Variants in MANSC1 observed in about 807,000 individuals in gnomAD.
MANSC1 encodes MANSC domain containing 1.
In MANSC1, 13 loss-of-function variants were observed where a neutral mutation model predicts 14.1. The ratio of observed to expected loss-of-function variants is 0.92; its 90% CI spans 0.60 to 1.46. The LOEUF is 1.46. Among genes scored for constraint, MANSC1 ranks in the 40% most tolerant of loss-of-function variants. MANSC1 has a pLI of 0.00. For missense variants in MANSC1, 486 were observed against 511.4 expected (o/e 0.95, Z 0.48); for synonymous variants, 227 against 200.7 (o/e 1.13, Z -1.11).
In MANSC1 at chr12:12,328,233, T is replaced by C. The variant is rs1862730985; in HGVS notation, c.*1794A>G. The C allele has an allele frequency of 1.3e-5, 2 of 152,128 alleles. No homozygotes were observed. The highest frequency in any genetic ancestry group is 4.1e-4 in the South Asian group (2 of 4,820). The allele number at this position is 152,128 out of a possible 1,614,324, so 9.4% of individuals were successfully genotyped here. A position where few individuals can be genotyped will look rare whatever the true frequency, so the allele number is the denominator to read the frequency against. Reference sequence around the variant, plus strand: ...AATTTTAATTGGTAACCAGTAAAAATTGTAGCATCATGTTAGTGCTAGTTA... The same window carrying C: ...AATTTTAATTGGTAACCAGTAAAAACTGTAGCATCATGTTAGTGCTAGTTA... On this transcript the variant is annotated 3_prime_UTR_variant, in exon 4 of 4. Transcript: ENST00000535902.
intron 3 of MANSC1, among the ~76,000 whole-genome samples, chr12:12,338,202 A>G (rs977656091): frequency 6.6e-6 from 1 of 152,220 alleles, no homozygotes; most frequent in Non-Finnish European, 1.5e-5. Context: ...CTTTTATCTC[A>G]TGAAGGTAAA....
At chr12:12,343,019 T>C in intron 2 of MANSC1, 73 bp downstream of exon 2, 8 of 1,037,908 alleles carry the variant, frequency 7.7e-6, no homozygotes, top group South Asian at 4.0e-5. Flanking sequence ...GTATAAGTTA[T>C]TCAGCCACAT....
At chr12:12,335,199 T>G (rs1338417957) in intron 3 of MANSC1, among the ~76,000 whole-genome samples, 1 of 151,972 alleles carries the variant, frequency 6.6e-6, no homozygotes, top group Non-Finnish European at 1.5e-5. Context: ...TGTCCACTAC[T>G]CTCTCCATCT....
At chr12:12,347,036 G>C (rs1050591291) in intron 1 of MANSC1, among the ~76,000 whole-genome samples, 1 of 151,578 alleles carries the variant, frequency 6.6e-6, no homozygotes, top group African/African-American at 2.4e-5. Flanking sequence ...AGCCTTTCTC[G>C]CACCAGGGAC....
chr12:12,330,793 C>A lies in MANSC1; in HGVS notation c.530G>T (p.Gly177Val). The A allele has an allele frequency of 3.1e-6, 5 of 1,614,096 alleles. No homozygotes were observed. Among genetic ancestry groups the A allele is most frequent in the Non-Finnish European group, 4.2e-6 (5 of 1,180,026 alleles). Residue 177 changes from glycine to valine, a missense_variant, in exon 4 of 4, where the codon GGA (glycine) becomes GTA (valine). By Grantham distance (109) the Gly-to-Val change is moderately radical. Transcript: ENST00000535902. ...SWRDTLSQKF[G>V]SSDHLEKLFK... ...TAGTTTCTCCAAGTGATCTGAGGAT[C>A]CAAACTTCTGAGAAAGTGTGTCTCT...
intron 2 of MANSC1, among the ~76,000 whole-genome samples, chr12:12,341,811 T>G (rs1459698448): frequency 6.6e-6 from 1 of 152,162 alleles, no homozygotes; most frequent in East Asian, 1.9e-4. Context: ...ACCAACATGG[T>G]GAAACCACGT....
At chr12:12,348,504 G>A (rs1230516039) in intron 1 of MANSC1, among the ~76,000 whole-genome samples, 3 of 152,078 alleles carry the variant, frequency 2.0e-5, no homozygotes, top group East Asian at 3.8e-4. Flanking sequence ...AAACTACAGC[G>A]GCAGTAAGAA....
chr12:12,330,599 G>A lies in MANSC1; in HGVS notation c.724C>T (p.Pro242Ser). Residue 242 changes from proline to serine, a missense_variant, in exon 4 of 4, where the codon CCA becomes TCA. Transcript: ENST00000535902. The part of the protein sequence containing the change: ...VASPHTTSAT[P>S]KPATLLPTNA... ...GTGGGTAGAAGGGTGGCGGGCTTTG[G>A]AGTAGCCGAGGTGGTATGTGGAGAA... 6.2e-7 allele frequency: 1 copy of A among 1,614,212 alleles called. No homozygotes were observed. Among genetic ancestry groups the A allele is most frequent in the Non-Finnish European group, 8.5e-7 (1 of 1,180,038 alleles).
Position 12,327,987 on chromosome 12 carries a change from C to T in MANSC1, c.*2040G>A, listed in dbSNP as rs1262066510. On this transcript the variant is annotated 3_prime_UTR_variant, in exon 4 of 4. Transcript: ENST00000535902. ...CTTAATTGCTGTACTTATTAACCAG[C>T]TACTGCCCTCTAGTGCTCACTGTAT... 2 of 152,170 alleles carry T rather than the reference C, an allele frequency of 1.3e-5. No individual in the cohort carries two copies. Among genetic ancestry groups the T allele is most frequent in the Non-Finnish European group, 1.5e-5 (1 of 68,036 alleles). 9.4% of individuals were successfully genotyped at this position (152,170 alleles called of 1,614,324 possible). A position where few individuals can be genotyped will look rare whatever the true frequency, so the allele number is the denominator to read the frequency against.
chr12:12,329,922 C>T lies in MANSC1; in HGVS notation c.*105G>A, dbSNP rs145255704. The T allele has an allele frequency of 6.9e-3, 6,573 of 951,838 alleles. 31 individuals are homozygous for T. The highest frequency in any genetic ancestry group is 8.7e-3 in the Non-Finnish European group (5,675 of 651,326). 59.0% of individuals were successfully genotyped at this position (951,838 alleles called of 1,614,324 possible). A position where few individuals can be genotyped will look rare whatever the true frequency, so the allele number is the denominator to read the frequency against. The stretch of plus-strand genomic sequence containing the variant: ...AAGGAAAGCAGAAGGGGGCATTTTC[C>T]TGTCTTCAAAATACAACCTCCTGCT... On this transcript the variant is annotated 3_prime_UTR_variant, in exon 4 of 4. Coordinates refer to ENST00000535902, the MANE Select transcript of MANSC1 (RefSeq NM_018050.4).
At position 12,330,725 on chromosome 12, in the gene MANSC1, C is replaced by A. The variant is rs923015212; in HGVS notation, c.598G>T (p.Glu200Ter). 1 of 1,614,170 alleles carries A rather than the reference C, an allele frequency of 6.2e-7. No homozygotes were observed. The highest frequency in any genetic ancestry group is 8.5e-7 in the Non-Finnish European group (1 of 1,180,030). Residue 200 changes from glutamate to a stop codon, truncating the protein, a stop_gained, in exon 4 of 4, where the codon GAA (glutamate) becomes TAA (stop). Transcript: ENST00000535902. LOFTEE classifies it low-confidence loss of function (END_TRUNC). Reference protein sequence around the residue: ...EASAQLLAYKEKGHSQSSQFS... With the variant: ...EASAQLLAYK ...TGTGAACTCTGAGAATGGCCTTTTT[C>A]CTTATAAGCAAGGAGCTGGGCACTT...
chr12:12,344,526 G>C (rs1862979355), intron 1 of MANSC1, among the ~76,000 whole-genome samples: 1 of 150,532 alleles, frequency 6.6e-6, no homozygotes, highest in Non-Finnish European at 1.5e-5. Context: ...CTGGAGTGCA[G>C]TGGCACAATC....
rs1400206868 is a variant in MANSC1, at chr12:12,326,860, G to T, written c.*3167C>A. On this transcript the variant is annotated 3_prime_UTR_variant, in exon 4 of 4. Coordinates refer to ENST00000535902, the MANE Select transcript of MANSC1 (RefSeq NM_018050.4). ...GAGTCTTGCTCTGTCGCCTAGGCTG[G>T]AGTGCAATGGAGCGATCTTGGCTCA... 6.6e-6 allele frequency: 1 copy of T among 151,968 alleles called. No individual in the cohort carries two copies. The highest frequency in any genetic ancestry group is 1.5e-5 in the Non-Finnish European group (1 of 68,026). The allele number at this position is 151,968 out of a possible 1,614,324, so 9.4% of individuals were successfully genotyped here. A position where few individuals can be genotyped will look rare whatever the true frequency, so the allele number is the denominator to read the frequency against.
chr12:12,342,671 T>C (rs1290890772), intron 2 of MANSC1, among the ~76,000 whole-genome samples: 1 of 140,922 alleles, frequency 7.1e-6, no homozygotes, highest in Non-Finnish European at 1.5e-5. Context: ...GCTTCCAACT[T>C]AAAGATCAAA....
chr12:12,327,570 A>T lies in MANSC1; in HGVS notation c.*2457T>A, dbSNP rs185505675. On this transcript the variant is annotated 3_prime_UTR_variant, in exon 4 of 4. Transcript: ENST00000535902. Reference sequence around the variant, plus strand: ...GGAAAATACCTTTATAAACCATCACAGAAAGCCTGATTTCCACTCGCTAAA... The same window carrying T: ...GGAAAATACCTTTATAAACCATCACTGAAAGCCTGATTTCCACTCGCTAAA... 1.3e-5 allele frequency: 2 copies of T among 152,226 alleles called. No individual in the cohort carries two copies. The highest frequency in any genetic ancestry group is 4.8e-5 in the African/African-American group (2 of 41,464). 9.4% of individuals were successfully genotyped at this position (152,226 alleles called of 1,614,324 possible).
At position 12,330,137 on chromosome 12, in the gene MANSC1, A is replaced by G. The variant is rs746611571; in HGVS notation, c.1186T>C (p.Phe396Leu). The G allele has an allele frequency of 1.2e-5, 20 of 1,614,034 alleles. No individual in the cohort carries two copies. In the South Asian group the frequency reaches 1.9e-4, roughly 15 times the overall value. ...LIGSLLFGVLFLVIGLVLLGR... is the reference protein window; with the variant it reads ...LIGSLLFGVLLLVIGLVLLGR... ...AGGAGGACGAGGCCTATCACCAGGA[A>G]CAGGACACCAAAGAGCAGGGACCCG... The change falls in exon 4 of 4, where the codon TTC (phenylalanine) becomes CTC (leucine). Residue 396 changes from phenylalanine (F) to leucine (L), a missense_variant. By Grantham distance (22) the Phe-to-Leu change is conservative. Transcript: ENST00000535902.
At chr12:12,331,747 G>A (rs1056744716) in intron 3 of MANSC1, among the ~76,000 whole-genome samples, 6 of 152,218 alleles carry the variant, frequency 3.9e-5, no homozygotes, top group African/African-American at 1.2e-4. Context: ...TCTGGTCTCC[G>A]CTCTGAGCAC....
chr12:12,331,219 T>A (rs1457474024), intron 3 of MANSC1, among the ~76,000 whole-genome samples: 1 of 152,152 alleles, frequency 6.6e-6, no homozygotes, highest in East Asian at 1.9e-4. Flanking sequence ...GACATTTCAT[T>A]GAAATGTGTG....
At chr12:12,338,650 C>T in intron 2 of MANSC1, 90 bp from the exon 3 acceptor site, 6 of 1,147,226 alleles carry the variant, frequency 5.2e-6, no homozygotes, top group Non-Finnish European at 7.7e-6. Context: ...TTATGGAGTC[C>T]AACACAAACA....
Sources: gnomAD v4.1 joint callset for allele counts (sites outside exome capture counted in the v4.1 genomes callset) on GRCh38, gnomAD v4.1.1 for gene constraint, MANE v1.5 for transcripts, NCBI Gene and HGNC (gene_info 2026-07-23, HGNC 2026-07-21) for gene names.